MDFIC: variants seen among roughly 807,000 people sequenced by gnomAD.
MDFIC encodes the protein MyoD family inhibitor domain containing.
Under a neutral mutation model 23.2 loss-of-function variants are expected in MDFIC, and 17 were observed. That is an observed-to-expected ratio of 0.73 (90% CI 0.50 to 1.10). The LOEUF (loss-of-function observed/expected upper bound fraction) is 1.10. MDFIC is among the 50% of genes least tolerant of loss of function. The pLI is 0.00. For missense variants in MDFIC, 356 were observed against 316.6 expected, an observed-to-expected ratio of 1.12 and a Z score of -0.95; for synonymous variants, 120 against 115.2, an observed-to-expected ratio of 1.04 and a Z score of -0.27.
rs111242976 is a variant in MDFIC at position 115,013,369 on chromosome 7, A to G, written c.494-2319A>G. Among the ~76,000 whole-genome samples, 280 of 152,344 alleles carry G rather than the reference A, an allele frequency of 1.8e-3. 1 individual carries two copies. Among genetic ancestry groups the G allele is most frequent in the African/African-American group, 6.5e-3 (272 of 41,588 alleles). Reference sequence around the variant, plus strand: ...GAACGAGACATTCTTTCCCCTTTAAAATGGATAGATCCATTATATATAGTT... The same window carrying G: ...GAACGAGACATTCTTTCCCCTTTAAGATGGATAGATCCATTATATATAGTT... On this transcript the variant is annotated intron_variant, in intron 4 of 4. Coordinates refer to ENST00000393486, the MANE Select transcript of MDFIC (RefSeq NM_001166345.3).
intron 4 of MDFIC, among the ~76,000 whole-genome samples, chr7:114,991,822 T>A (rs913688894): frequency 6.6e-6 from 1 of 152,244 alleles, no homozygotes; most frequent in Non-Finnish European, 1.5e-5. Context: ...AGGATTGTAT[T>A]GGCAATGTGG....
rs538309958 is a variant in MDFIC, at chr7:114,998,135, G to A, written c.494-17553G>A. 4.1e-4 allele frequency among the ~76,000 whole-genome samples: 63 copies of A among 152,280 alleles called. No homozygotes were observed. The South Asian group carries it at 0.012, about 30-fold the overall frequency. ...CTGCATAATACTACAATTCAGAGGA[G>A]GAAGTTTTGGGGAAAAATACAGATT... On this transcript the variant is annotated intron_variant, in intron 4 of 4. Transcript: ENST00000393486.
At chr7:114,923,688 T>C in intron 2 of MDFIC, 1 of 1,398,992 alleles carries the variant, frequency 7.1e-7, no homozygotes, top group Non-Finnish European at 9.3e-7. Context: ...CTTCTTTGTG[T>C]TCTTCCAAAG....
At chr7:114,958,922 T>G (rs1032271673) in intron 3 of MDFIC, among the ~76,000 whole-genome samples, 5 of 152,188 alleles carry the variant, frequency 3.3e-5, no homozygotes, top group African/African-American at 1.2e-4. Flanking sequence ...TTGTCCTCAT[T>G]AAGCCTAGAG....
chr7:114,953,934 C>T (rs1344745395), intron 3 of MDFIC, among the ~76,000 whole-genome samples: 2 of 152,080 alleles, frequency 1.3e-5, no homozygotes, highest in East Asian at 1.9e-4. Context: ...ACCTTTCTCC[C>T]CCTGCTGGAT....
At chr7:114,943,635 A>T (rs1585096659) in intron 3 of MDFIC, among the ~76,000 whole-genome samples, 1 of 152,192 alleles carries the variant, frequency 6.6e-6, no homozygotes. Flanking sequence ...TATTTATCTG[A>T]AAAACATATA....
At chr7:114,977,001 T>G (rs1014698559) in intron 3 of MDFIC, among the ~76,000 whole-genome samples, 1 of 152,300 alleles carries the variant, frequency 6.6e-6, no homozygotes, top group Non-Finnish European at 1.5e-5. Flanking sequence ...CATAGTCTTA[T>G]GTAATTTACA....
chr7:114,984,674 C>T lies in MDFIC; in HGVS notation c.493+4893C>T, dbSNP rs146692281. On this transcript the variant is annotated intron_variant, in intron 4 of 4. Coordinates refer to ENST00000393486, the MANE Select transcript of MDFIC (RefSeq NM_001166345.3). ...GTTTTAAGACTAAATGTTTAAGATT[C>T]TTGACCTTTGAAATAATTATAGTAT... 2.5e-4 allele frequency among the ~76,000 whole-genome samples: 38 copies of T among 152,226 alleles called. No homozygotes were observed. The East Asian group carries it at 6.7e-3, about 27-fold the overall frequency.
At chr7:114,956,607 A>G (rs931953186) in intron 3 of MDFIC, among the ~76,000 whole-genome samples, 7 of 152,112 alleles carry the variant, frequency 4.6e-5, no homozygotes, top group Non-Finnish European at 7.4e-5. Flanking sequence ...GGAAGGCATT[A>G]TGATTCTATA....
chr7:115,014,304 C>G, intron 4 of MDFIC: 1 of 985,346 alleles, frequency 1.0e-6, no homozygotes, highest in Non-Finnish European at 1.2e-6. Context: ...TTTTCTTTAC[C>G]TGAAGCATTT....
chr7:114,988,465 G>T (rs183091100), intron 4 of MDFIC, among the ~76,000 whole-genome samples: 1 of 152,138 alleles, frequency 6.6e-6, no homozygotes, highest in African/African-American at 2.4e-5. Flanking sequence ...AAGTTTGTTC[G>T]TGAGGGATTC....
intron 2 of MDFIC, among the ~76,000 whole-genome samples, chr7:114,941,878 G>A (rs775367661): frequency 2.6e-5 from 4 of 152,102 alleles, no homozygotes; most frequent in South Asian, 2.1e-4. Flanking sequence ...GCCGACTTTC[G>A]TCTCTACCAC....
chr7:115,011,183 C>A (rs1376868029), intron 4 of MDFIC, among the ~76,000 whole-genome samples: 1 of 152,124 alleles, frequency 6.6e-6, no homozygotes. Context: ...CTGCTACTCA[C>A]TCCCTCTATG....
chr7:114,979,376 C>G (rs1228349008), intron 3 of MDFIC, 130 bp from the exon 4 acceptor site: 12 of 900,438 alleles, frequency 1.3e-5, no homozygotes, highest in Non-Finnish European at 1.7e-5. Flanking sequence ...TCTTTCTTTT[C>G]TTTGTTGCCT....
rs192737721 is a variant in MDFIC, at chr7:114,995,290, G to A, written c.493+15509G>A. On this transcript the variant is annotated intron_variant, in intron 4 of 4. Transcript: ENST00000393486. ...TTTTTATCTTCTTTGTGATGGGTTC[G>A]AACTTCCCCCTTTAGCTTGGAGAAG... 9.5e-4 allele frequency among the ~76,000 whole-genome samples: 144 copies of A among 152,184 alleles called. 2 individuals are homozygous for A. Among genetic ancestry groups the A allele is most frequent in the Admixed American group, 2.0e-4 (3 of 15,272 alleles).
At chr7:114,935,119 T>C (rs1438187491) in intron 2 of MDFIC, among the ~76,000 whole-genome samples, 1 of 152,144 alleles carries the variant, frequency 6.6e-6, no homozygotes, top group African/African-American at 2.4e-5. Context: ...TAGTCTCAGA[T>C]TACTTGAAAT....
rs1488848693 is a variant in MDFIC at position 114,979,690 on chromosome 7, A to G, written c.402A>G (p.Lys134=). 36 of 1,614,166 alleles carry G rather than the reference A, an allele frequency of 2.2e-5. No individual in the cohort carries two copies. Among genetic ancestry groups the G allele is most frequent in the Non-Finnish European group, 3.1e-5 (36 of 1,180,008 alleles). The change falls in exon 4 of 5, where the codon AAA becomes AAG. Residue 134 remains lysine, a synonymous_variant. Coordinates refer to ENST00000393486, the MANE Select transcript of MDFIC (RefSeq NM_001166345.3). ...CTGTTTCTCAAAAAATGCATAGAAA[A>G]ATTCAGTCCAGCTTGTCTGTAAACA... ...SAPVSQKMHR[K]IQSSLSVNSD...
At chr7:114,991,224 G>T (rs560751701) in intron 4 of MDFIC, among the ~76,000 whole-genome samples, 12 of 152,010 alleles carry the variant, frequency 7.9e-5, no homozygotes, top group African/African-American at 2.7e-4. Flanking sequence ...AATTTGTTTG[G>T]GTTCTTTGTA....
At chr7:114,936,004 A>G (rs578214115) in intron 2 of MDFIC, among the ~76,000 whole-genome samples, 27 of 152,260 alleles carry the variant, frequency 1.8e-4, no homozygotes, top group South Asian at 1.7e-3. Context: ...CTCTTATTCT[A>G]TATCAGACAC....
Sources: gnomAD v4.1 joint callset for allele counts (sites outside exome capture counted in the v4.1 genomes callset) on GRCh38, gnomAD v4.1.1 for gene constraint, MANE v1.5 for transcripts, NCBI Gene and HGNC (gene_info 2026-07-23, HGNC 2026-07-21) for gene names.